The following MAP3K5 variants were observed in gnomAD, a reference collection of about 807,000 sequenced individuals.
The protein encoded by MAP3K5 is ASK-1.
A neutral mutation model predicts 158.7 loss-of-function variants in MAP3K5; 56 were observed. That is an observed-to-expected ratio of 0.35 (90% confidence interval 0.28 to 0.44). The LOEUF is 0.44. MAP3K5 is among the 20% of genes least tolerant of loss of function. The probability of loss-of-function intolerance (pLI) is 1.00; values close to 1 mark genes in which losing one functional copy is unlikely to be tolerated. For synonymous variants in MAP3K5, 579 were observed against 601.7 expected (o/e 0.96, Z 0.55); for missense variants, 1,294 against 1,674.8 (o/e 0.77, Z 3.97).
At chr6:136,699,222 T>C (rs762807394) in intron 3 of MAP3K5, among the ~76,000 whole-genome samples, 5 of 152,126 alleles carry the variant, frequency 3.3e-5, no homozygotes, top group Non-Finnish European at 7.4e-5. Context: ...TTCCACATCC[T>C]ATCGAAGTCC....
rs879218701 is a variant in MAP3K5, at chr6:136,792,189, T to A, written c.-32A>T. ...GGGCCGGGCAGCAACGGCGGCGGCG[T>A]CCCCCGCCCAGCCGCACCGCCTGGC... On this transcript the variant is annotated 5_prime_UTR_variant, in exon 1 of 30. Coordinates refer to ENST00000359015, the MANE Select transcript of MAP3K5 (RefSeq NM_005923.4). This position sits in a 1 kb window ranked among gnomAD's most constrained non-coding sequence, Gnocchi z 5.7. 87 of 1,521,114 alleles carry A rather than the reference T, an allele frequency of 5.7e-5. No individual in the cohort carries two copies. The highest frequency in any genetic ancestry group is 7.5e-5 in the Non-Finnish European group (85 of 1,138,574). 94.2% of individuals were successfully genotyped at this position (1,521,114 alleles called of 1,614,324 possible).
intron 15 of MAP3K5, among the ~76,000 whole-genome samples, chr6:136,621,523 T>G (rs916352677): frequency 6.6e-6 from 1 of 152,184 alleles, no homozygotes; most frequent in Non-Finnish European, 1.5e-5. Context: ...AGTGCTGCAG[T>G]AAATAGGCCT....
intron 1 of MAP3K5, among the ~76,000 whole-genome samples, chr6:136,723,252 A>C (rs1027561789): frequency 2.0e-5 from 3 of 151,974 alleles, no homozygotes; most frequent in Non-Finnish European, 4.4e-5. Flanking sequence ...GGATATCATG[A>C]AACCAAAGAA....
At chr6:136,560,177 G>A (rs891109772) in intron 28 of MAP3K5, among the ~76,000 whole-genome samples, 1 of 151,968 alleles carries the variant, frequency 6.6e-6, no homozygotes, top group Non-Finnish European at 1.5e-5. Context: ...TGCTATTCAC[G>A]CTCATTACAA....
intron 26 of MAP3K5, 66 bp from the exon 27 acceptor site, chr6:136,562,681 A>G (rs1257962777): frequency 2.5e-6 from 2 of 786,974 alleles, no homozygotes; most frequent in East Asian, 2.7e-5. Context: ...TTTTATTTTT[A>G]TTTTTTTAGA....
At chr6:136,635,326 C>A (rs903538282) in intron 14 of MAP3K5, among the ~76,000 whole-genome samples, 1 of 151,990 alleles carries the variant, frequency 6.6e-6, no homozygotes, top group South Asian at 2.1e-4. Flanking sequence ...TATAATCAAA[C>A]GAGCCCTGAA....
chr6:136,752,760 CACTCCAGATA>C (rs1358017392), intron 1 of MAP3K5, among the ~76,000 whole-genome samples: 1 of 152,128 alleles, frequency 6.6e-6, no homozygotes, highest in Non-Finnish European at 1.5e-5. Flanking sequence ...AGATGAAGGG[CACTCCAGATA>C]AAGGCAGTTA....
chr6:136,577,385 A>G (rs1774667200), intron 25 of MAP3K5, among the ~76,000 whole-genome samples: 1 of 152,250 alleles, frequency 6.6e-6, no homozygotes, highest in Non-Finnish European at 1.5e-5. Flanking sequence ...TACAAAAAGT[A>G]CTGTCTATGT....
chr6:136,671,649 T>C (rs1434643367), intron 7 of MAP3K5, among the ~76,000 whole-genome samples: 2 of 152,234 alleles, frequency 1.3e-5, no homozygotes, highest in African/African-American at 2.4e-5. Context: ...CTTTCACTCT[T>C]GTTGCCTAGG....
At chr6:136,698,899 G>T (rs6907285) in intron 3 of MAP3K5, among the ~76,000 whole-genome samples, 11,119 of 152,110 alleles carry the variant, frequency 0.073, 1,383 homozygotes, top group African/African-American at 0.25. Context: ...AAAAAAGAGT[G>T]GAACAGTTTC....
intron 7 of MAP3K5, among the ~76,000 whole-genome samples, chr6:136,671,690 A>G (rs1047471626): frequency 6.6e-6 from 1 of 152,208 alleles, no homozygotes; most frequent in African/African-American, 2.4e-5. Flanking sequence ...CTCAGCTCAC[A>G]GGAACCTCTG....
chr6:136,670,146 AGACTTTTCT>A (rs1207607665), intron 7 of MAP3K5, among the ~76,000 whole-genome samples: 1 of 152,192 alleles, frequency 6.6e-6, no homozygotes, highest in East Asian at 1.9e-4. Context: ...AGTTATAAAA[AGACTTTTCT>A]GAATATGCAT....
intron 11 of MAP3K5, among the ~76,000 whole-genome samples, chr6:136,644,744 T>G (rs1319551858): frequency 6.6e-6 from 1 of 152,222 alleles, no homozygotes. Context: ...CCATTTGCCT[T>G]GCTGGGGATG....
chr6:136,730,166 TG>T (rs202035615), intron 1 of MAP3K5, among the ~76,000 whole-genome samples: 4,987 of 130,478 alleles, frequency 0.038, 77 homozygotes, highest in Non-Finnish European at 0.054. Context: ...TTTTTTTTTT[TG>T]TTTTTTGTTT....
chr6:136,571,029 C>G (rs1247984855), intron 25 of MAP3K5, among the ~76,000 whole-genome samples: 4 of 152,148 alleles, frequency 2.6e-5, no homozygotes, highest in Non-Finnish European at 4.4e-5. Context: ...ACATCTATCC[C>G]CATTTTACCC....
chr6:136,693,808 G>A (rs897378523), intron 7 of MAP3K5, among the ~76,000 whole-genome samples: 18 of 152,126 alleles, frequency 1.2e-4, no homozygotes, highest in African/African-American at 4.1e-4. Flanking sequence ...TGGCCAACAG[G>A]GCAAAACCCG....
chr6:136,747,103 T>C (rs1782996217), intron 1 of MAP3K5, among the ~76,000 whole-genome samples: 1 of 152,200 alleles, frequency 6.6e-6, no homozygotes, highest in South Asian at 2.1e-4. Context: ...TAAATCTTTG[T>C]AGAGGCAGGG....
intron 25 of MAP3K5, among the ~76,000 whole-genome samples, chr6:136,570,750 A>G (rs953034187): frequency 2.0e-5 from 3 of 152,202 alleles, no homozygotes; most frequent in Non-Finnish European, 4.4e-5. Flanking sequence ...ACCAATCTCC[A>G]GAATATTTTC....
chr6:136,637,214 G>T, intron 14 of MAP3K5, 111 bp downstream of exon 14: 1 of 1,232,398 alleles, frequency 8.1e-7, no homozygotes, highest in Non-Finnish European at 1.1e-6. Flanking sequence ...CTAAAGGAAA[G>T]CCTACAGACA....
Sources: allele counts gnomAD v4.1 joint callset (sites outside exome capture counted in the v4.1 genomes callset), GRCh38; gene constraint gnomAD v4.1.1; non-coding constraint Gnocchi (gnomAD v3.1); transcripts MANE v1.5; gene names NCBI Gene and HGNC (gene_info 2026-07-23, HGNC 2026-07-21).